ARHGAP21: variants seen among roughly 807,000 people sequenced by gnomAD.
ARHGAP21 encodes the protein rho GTPase-activating protein 21.
A neutral mutation model predicts 164.6 loss-of-function variants in ARHGAP21; 38 were observed. That is an observed-to-expected ratio of 0.23 (90% CI 0.18 to 0.30). The LOEUF (loss-of-function observed/expected upper bound fraction) is 0.30. ARHGAP21 is among the 10% of genes least tolerant of loss of function. The probability of loss-of-function intolerance (pLI) is 1.00; values close to 1 mark genes in which losing one functional copy is unlikely to be tolerated. For missense variants in ARHGAP21, 1,822 were observed against 2,370.7 expected (o/e 0.77, Z 4.81); for synonymous variants, 766 against 857.9 (o/e 0.89, Z 1.87).
intron 2 of ARHGAP21, among the ~76,000 whole-genome samples, chr10:24,713,692 C>T: frequency 6.7e-6 from 1 of 149,954 alleles, no homozygotes; most frequent in East Asian, 2.0e-4. Flanking sequence ...AGGCTGGTCT[C>T]AAACTCCTGG....
Position 24,585,105 on chromosome 10 carries a change from A to T in ARHGAP21, c.5184T>A (p.Pro1728=). The T allele has an allele frequency of 6.2e-7, 1 of 1,613,604 alleles. No individual in the cohort carries two copies. The highest frequency in any genetic ancestry group is 1.7e-4 in the Middle Eastern group (1 of 6,056). Residue 1728 remains proline, a synonymous_variant, in exon 26 of 26, where the codon CCT becomes CCA. Coordinates refer to ENST00000396432, the MANE Select transcript of ARHGAP21 (RefSeq NM_020824.4). ...TAACATCAAACACTTTAGTTAACGA[A>T]GGTGCTTCTTTCTCATTCTTGGCAT... ...LGDAKNEKEA[P]SLTKVFDVMK...
chr10:24,697,108 C>T (rs892809846), intron 2 of ARHGAP21, among the ~76,000 whole-genome samples: 2 of 152,156 alleles, frequency 1.3e-5, no homozygotes. Context: ...GGTAACAAAA[C>T]ATGTTCCTAG....
At chr10:24,645,002 A>G (rs1250558025) in intron 4 of ARHGAP21, among the ~76,000 whole-genome samples, 2 of 152,146 alleles carry the variant, frequency 1.3e-5, no homozygotes, top group East Asian at 3.9e-4. Flanking sequence ...GGAAGGAGAG[A>G]TATATTTCAC....
intron 2 of ARHGAP21, among the ~76,000 whole-genome samples, chr10:24,713,612 T>G (rs1400350045): frequency 6.6e-6 from 1 of 151,876 alleles, no homozygotes; most frequent in Non-Finnish European, 1.5e-5. Context: ...TATAAAACAT[T>G]TCCATCACAT....
At chr10:24,663,942 G>A (rs968611029) in intron 4 of ARHGAP21, among the ~76,000 whole-genome samples, 5 of 152,298 alleles carry the variant, frequency 3.3e-5, no homozygotes, top group African/African-American at 9.6e-5. Context: ...TGATAAAGAT[G>A]TGTATAAAGA....
rs1006357701 is a variant in ARHGAP21, at chr10:24,595,143, C to T, written c.3760G>A (p.Asp1254Asn). Residue 1254 changes from aspartate (D) to asparagine (N), a missense_variant, in exon 20 of 26, where the codon GAT becomes AAT. Physicochemically the swap from Asp to Asn is conservative, Grantham distance 23. This residue lies in a region of ARHGAP21 where 117 missense variants were observed against 238.1 expected (regional missense o/e 0.49). Transcript: ENST00000396432. ...AGTCTTTTTAATGTTTTCAGACGAT[C>T]TAGAGGATCTTCTTTACGATTGGCT... Reference protein sequence around the residue: ...IEANRKEDPLDRLKTLKRLIH... With the variant: ...IEANRKEDPLNRLKTLKRLIH... 13 of 1,611,208 alleles carry T rather than the reference C, an allele frequency of 8.1e-6. No individual in the cohort carries two copies. Among genetic ancestry groups the T allele is most frequent in the Non-Finnish European group, 1.1e-5 (13 of 1,179,252 alleles).
intron 2 of ARHGAP21, among the ~76,000 whole-genome samples, chr10:24,717,893 A>G (rs541337723): frequency 6.6e-6 from 1 of 152,190 alleles, no homozygotes; most frequent in South Asian, 2.1e-4. Context: ...ACGCCCAGCT[A>G]ATTTTTGTAT....
intron 2 of ARHGAP21, among the ~76,000 whole-genome samples, chr10:24,694,760 A>T (rs1843008715): frequency 6.6e-6 from 1 of 152,160 alleles, no homozygotes; most frequent in Admixed American, 6.5e-5. Flanking sequence ...CTCCTAGAAA[A>T]GAAATGAACC....
chr10:24,713,239 G>A (rs1000353577), intron 2 of ARHGAP21, among the ~76,000 whole-genome samples: 4 of 152,164 alleles, frequency 2.6e-5, no homozygotes, highest in African/African-American at 9.7e-5. Context: ...CAAAGAAGTT[G>A]TGGGATTATA....
At chr10:24,603,712 G>T (rs1205916677) in intron 12 of ARHGAP21, among the ~76,000 whole-genome samples, 2 of 152,032 alleles carry the variant, frequency 1.3e-5, no homozygotes, top group Non-Finnish European at 2.9e-5. Flanking sequence ...AAAGGCAGGG[G>T]ACTGGCTGGG....
Position 24,621,192 on chromosome 10 carries a change from G to A in ARHGAP21, c.703C>T (p.Pro235Ser). The A allele has an allele frequency of 6.2e-7, 1 of 1,613,862 alleles. No homozygotes were observed. Among genetic ancestry groups the A allele is most frequent in the Non-Finnish European group, 8.5e-7 (1 of 1,179,828 alleles). The change falls in exon 9 of 26, where the codon CCA becomes TCA. Residue 235 changes from proline to serine, a missense_variant. By Grantham distance (74) the Pro-to-Ser change is moderately conservative. Coordinates refer to ENST00000396432, the MANE Select transcript of ARHGAP21 (RefSeq NM_020824.4). Reference protein sequence around the residue: ...SSLSKQQTSTPVLTQPGRAYR... With the variant: ...SSLSKQQTSTSVLTQPGRAYR... ...GCCCTACCAGGTTGTGTCAGTACTG[G>A]TGTACTGGTTTGCTGTTTGCTCAAT... is the stretch of plus-strand genomic sequence containing the variant.
chr10:24,678,281 T>C (rs1202965758), intron 2 of ARHGAP21, among the ~76,000 whole-genome samples: 2 of 152,218 alleles, frequency 1.3e-5, no homozygotes, highest in Non-Finnish European at 2.9e-5. Flanking sequence ...CCTGTACTCG[T>C]TGTGTGTTTA....
chr10:24,635,621 A>G (rs957809911), intron 4 of ARHGAP21, among the ~76,000 whole-genome samples: 2 of 152,170 alleles, frequency 1.3e-5, no homozygotes, highest in Admixed American at 6.5e-5. Flanking sequence ...ATCTTGGCTC[A>G]CTGCAACCTC....
At chr10:24,597,421 A>ATTTG in intron 16 of ARHGAP21, 26 bp downstream of exon 16, 1 of 1,601,802 alleles carries the variant, frequency 6.2e-7, no homozygotes. Flanking sequence ...CATTATATTT[A>ATTTG]TTTGTTAGAA....
At chr10:24,638,923 C>T (rs566232920) in intron 4 of ARHGAP21, among the ~76,000 whole-genome samples, 1 of 152,208 alleles carries the variant, frequency 6.6e-6, no homozygotes, top group East Asian at 1.9e-4. Context: ...TGTAAATTTA[C>T]CTGAACTTGA....
chr10:24,670,445 T>G (rs771508978), intron 2 of ARHGAP21, 48 bp from the exon 3 acceptor site: 3 of 1,287,626 alleles, frequency 2.3e-6, no homozygotes, highest in Non-Finnish European at 3.1e-6. Context: ...ACAATATACT[T>G]CCTCATCTAA....
chr10:24,594,329 C>G (rs552018432), intron 21 of ARHGAP21, among the ~76,000 whole-genome samples: 3 of 152,124 alleles, frequency 2.0e-5, no homozygotes, highest in African/African-American at 7.2e-5. Context: ...AATAACCCTA[C>G]AAAGACACTT....
intron 2 of ARHGAP21, among the ~76,000 whole-genome samples, chr10:24,674,336 C>T (rs191771508): frequency 1.2e-4 from 18 of 152,302 alleles, no homozygotes; most frequent in African/African-American, 3.8e-4. Flanking sequence ...GAGTTCAAGA[C>T]CAATCTGGCC....
chr10:24,703,656 C>G (rs912376982), intron 2 of ARHGAP21, among the ~76,000 whole-genome samples: 1 of 152,164 alleles, frequency 6.6e-6, no homozygotes, highest in Admixed American at 6.6e-5. Flanking sequence ...AACATGATGG[C>G]CACTCTCCCA....
Sources: allele counts gnomAD v4.1 joint callset (sites outside exome capture counted in the v4.1 genomes callset), GRCh38; gene constraint gnomAD v4.1.1; regional missense constraint gnomAD v4.1.1; transcripts MANE v1.5; gene names NCBI Gene and HGNC (gene_info 2026-07-23, HGNC 2026-07-21).